Variants in MIA3 observed in about 807,000 individuals in gnomAD.
MIA3 encodes transport and Golgi organization protein 1 homolog.
Under a neutral mutation model 192.4 loss-of-function variants are expected in MIA3, and 90 were observed. That is an observed-to-expected ratio of 0.47 (90% CI 0.39 to 0.56). MIA3 has a LOEUF of 0.56. MIA3 is among the 20% of genes least tolerant of loss of function. The pLI, the probability that MIA3 is intolerant of heterozygous loss-of-function variation, is 0.00. For missense variants in MIA3, 2,123 were observed against 2,269.4 expected, an observed-to-expected ratio of 0.94 and a Z score of 1.31; for synonymous variants, 740 against 792.8, an observed-to-expected ratio of 0.93 and a Z score of 1.12.
chr1:222,618,179 G>C lies in MIA3; in HGVS notation c.69G>C (p.Gln23His). ...GGCTGCCCTGGCGGGTGCCGGGCCA[G>C]CTGGACCCCAGCACTGGCCGGCGGT... ...VLRLPWRVPG[Q>H]LDPSTGRRFS... The change falls in exon 1 of 28, where the codon CAG becomes CAC. Residue 23 changes from glutamine to histidine, a missense_variant. Coordinates refer to ENST00000344922, the MANE Select transcript of MIA3 (RefSeq NM_198551.4). 1.3e-6 allele frequency: 2 copies of C among 1,503,490 alleles called. No individual in the cohort carries two copies. The highest frequency in any genetic ancestry group is 1.8e-6 in the Non-Finnish European group (2 of 1,125,206). 93.1% of individuals were successfully genotyped at this position (1,503,490 alleles called of 1,614,324 possible).
chr1:222,652,117 G>A (rs1342528773), intron 12 of MIA3, 69 bp downstream of exon 12: 20 of 1,322,082 alleles, frequency 1.5e-5, no homozygotes, highest in Non-Finnish European at 2.2e-5. Context: ...GCAAAAATTT[G>A]ATATATGCTA....
intron 6 of MIA3, among the ~76,000 whole-genome samples, chr1:222,637,683 A>ATTTTTT (rs778221337): frequency 3.4e-5 from 1 of 29,838 alleles, no homozygotes. Flanking sequence ...AATCAAGAAT[A>ATTTTTT]ATTTTTTTTT....
intron 6 of MIA3, among the ~76,000 whole-genome samples, chr1:222,643,790 A>T (rs1305838034): frequency 1.3e-5 from 2 of 152,146 alleles, no homozygotes; most frequent in African/African-American, 2.4e-5. Flanking sequence ...CATCTAAAAA[A>T]AAAAGTGGGA....
Position 222,662,136 on chromosome 1 carries a change from A to G in MIA3, c.5182+12A>G, listed in dbSNP as rs758922267. 10 of 1,613,338 alleles carry G rather than the reference A, an allele frequency of 6.2e-6. No homozygotes were observed. In the South Asian group the frequency reaches 8.8e-5, roughly 14 times the overall value. On this transcript the variant is annotated intron_variant, in intron 25 of 27. Coordinates refer to ENST00000344922, the MANE Select transcript of MIA3 (RefSeq NM_198551.4). Reference sequence around the variant, plus strand: ...ACCCTCTCCTTCTGGTAAGGGAGCAAGAGTGTTCAAAGAGTCTAAAACCAT... The same window carrying G: ...ACCCTCTCCTTCTGGTAAGGGAGCAGGAGTGTTCAAAGAGTCTAAAACCAT...
intron 6 of MIA3, among the ~76,000 whole-genome samples, chr1:222,637,440 T>C (rs1385980780): frequency 2.0e-5 from 3 of 152,232 alleles, no homozygotes; most frequent in African/African-American, 7.2e-5. Flanking sequence ...GGGGTATTTC[T>C]ACAAAGAGAA....
intron 6 of MIA3, 73 bp downstream of exon 6, chr1:222,633,322 G>A: frequency 2.3e-6 from 3 of 1,277,048 alleles, no homozygotes; most frequent in Admixed American, 4.5e-5. Context: ...TGAGCATGAG[G>A]TGAAGAACTT....
intron 18 of MIA3, among the ~76,000 whole-genome samples, chr1:222,656,134 T>C (rs1390203553): frequency 6.6e-6 from 1 of 151,800 alleles, no homozygotes; most frequent in African/African-American, 2.4e-5. Context: ...CATGCCCGGC[T>C]AATTTTTTTT....
chr1:222,634,347 G>C (rs373958340), intron 6 of MIA3, among the ~76,000 whole-genome samples: 1 of 152,056 alleles, frequency 6.6e-6, no homozygotes, highest in African/African-American at 2.4e-5. Flanking sequence ...AAAAAGTATG[G>C]AGTTAGGAGG....
rs1379021708 is a variant in MIA3 at position 222,664,333 on chromosome 1, TG to T, written c.5413+188del. ...TGCTACATAATCTCCTGTGATTAGA[TG>T]GGCAATAGTTGTCTCTAATAGAACA... is the stretch of plus-strand genomic sequence containing the variant. On this transcript the variant is annotated intron_variant, in intron 27 of 27. Coordinates refer to ENST00000344922, the MANE Select transcript of MIA3 (RefSeq NM_198551.4). Among the ~76,000 whole-genome samples, 14 of 152,228 alleles carry T rather than the reference TG, an allele frequency of 9.2e-5. 1 individual carries two copies. Among genetic ancestry groups the T allele is most frequent in the South Asian group, 8.3e-4 (4 of 4,828 alleles).
intron 6 of MIA3, chr1:222,641,814 G>A: frequency 3.7e-6 from 2 of 542,048 alleles, no homozygotes; most frequent in Non-Finnish European, 7.5e-6. Flanking sequence ...GCTGGTTCTT[G>A]AGCATTTCTA....
intron 18 of MIA3, among the ~76,000 whole-genome samples, chr1:222,655,962 CCTTTTTTTT>C (rs1663699725): frequency 1.4e-5 from 1 of 71,278 alleles, no homozygotes; most frequent in Non-Finnish European, 2.5e-5. Flanking sequence ...ACTTTCTTTC[CCTTTTTTTT>C]TTTTTTTTTT....
intron 6 of MIA3, chr1:222,641,443 C>T: frequency 2.0e-6 from 1 of 496,674 alleles, no homozygotes; most frequent in South Asian, 1.5e-5. Context: ...TGAGCTGCCC[C>T]CAGGGCTCTG....
In MIA3 at chr1:222,654,404, T is replaced by A. The variant is rs766602084; in HGVS notation, c.4393T>A (p.Ser1465Thr). 4 of 1,613,756 alleles carry A rather than the reference T, an allele frequency of 2.5e-6. No individual in the cohort carries two copies. Among genetic ancestry groups the A allele is most frequent in the Non-Finnish European group, 3.4e-6 (4 of 1,179,914 alleles). ...MDVSRTQTAISVVEEDLKLLQ... is the reference protein window; with the variant it reads ...MDVSRTQTAITVVEEDLKLLQ... Reference sequence around the variant, plus strand: ...CAATTTTTAGACACAGACTGCAATATCGGTAGTTGAAGAGGATCTAAAGCT... The same window carrying A: ...CAATTTTTAGACACAGACTGCAATAACGGTAGTTGAAGAGGATCTAAAGCT... The change falls in exon 17 of 28, where the codon TCG becomes ACG. Residue 1465 changes from serine to threonine, a missense_variant. By Grantham distance (58) the Ser-to-Thr change is moderately conservative. Transcript: ENST00000344922.
At chr1:222,620,755 A>G (rs975972048) in intron 1 of MIA3, among the ~76,000 whole-genome samples, 8 of 152,330 alleles carry the variant, frequency 5.3e-5, no homozygotes, top group Admixed American at 4.6e-4. Context: ...TAAGTTAATC[A>G]TCATCTGGGC....
At chr1:222,632,819 A>G (rs1662460539) in intron 5 of MIA3, among the ~76,000 whole-genome samples, 1 of 152,158 alleles carries the variant, frequency 6.6e-6, no homozygotes, top group African/African-American at 2.4e-5. Flanking sequence ...TTGATTTGCT[A>G]TCTGGACATG....
intron 26 of MIA3, among the ~76,000 whole-genome samples, chr1:222,662,725 A>G (rs1473042991): frequency 6.6e-6 from 1 of 152,246 alleles, no homozygotes; most frequent in African/African-American, 2.4e-5. Flanking sequence ...AAAAGTGAAA[A>G]GTCCCCACTC....
Position 222,642,871 on chromosome 1 carries a change from C to G in MIA3, c.3478-2683C>G, listed in dbSNP as rs185791338. On this transcript the variant is annotated intron_variant, in intron 6 of 27. Coordinates refer to ENST00000344922, the MANE Select transcript of MIA3 (RefSeq NM_198551.4). ...TCTTTTCCTGGGATCTGTTCATTAC[C>G]TCAGCCCATTTTTCTATAGGTTTGC... Among the ~76,000 whole-genome samples, 670 of 152,112 alleles carry G rather than the reference C, an allele frequency of 4.4e-3. 2 individuals carry two copies. Among genetic ancestry groups the G allele is most frequent in the African/African-American group, 0.015 (641 of 41,444 alleles).
chr1:222,650,587 G>T lies in MIA3; in HGVS notation c.3721-47G>T, dbSNP rs377683223. 33 of 1,294,040 alleles carry T rather than the reference G, an allele frequency of 2.6e-5. No individual in the cohort carries two copies. In the African/African-American group the frequency reaches 4.2e-4, roughly 16 times the overall value. 80.2% of individuals were successfully genotyped at this position (1,294,040 alleles called of 1,614,324 possible). ...AGTCACTTGAAAATAAGTTCTGGTA[G>T]CACTATACTTTATATTTCTGGATTC... On this transcript the variant is annotated intron_variant, in intron 9 of 27. Coordinates refer to ENST00000344922, the MANE Select transcript of MIA3 (RefSeq NM_198551.4).
At chr1:222,619,986 A>G (rs1661785368) in intron 1 of MIA3, among the ~76,000 whole-genome samples, 1 of 152,210 alleles carries the variant, frequency 6.6e-6, no homozygotes, top group African/African-American at 2.4e-5. Flanking sequence ...AGCAAAAGAA[A>G]CATTGCCATT....
Sources: allele counts gnomAD v4.1 joint callset (sites outside exome capture counted in the v4.1 genomes callset), GRCh38; gene constraint gnomAD v4.1.1; transcripts MANE v1.5; gene names NCBI Gene and HGNC (gene_info 2026-07-23, HGNC 2026-07-21).